Variants in SCUBE1 observed in about 807,000 individuals in gnomAD.
SCUBE1 encodes signal peptide, CUB and EGF-like domain-containing protein 1.
SCUBE1 carries 59 observed loss-of-function variants against 124.4 expected under a neutral mutation model. That is an observed-to-expected ratio of 0.47 (90% CI 0.38 to 0.59). The LOEUF is 0.59. Ranked by LOEUF, SCUBE1 falls within the 20% of genes least tolerant of loss-of-function variation. The pLI, the probability that SCUBE1 is intolerant of heterozygous loss-of-function variation, is 0.00. For missense variants in SCUBE1, 1,150 were observed against 1,371.2 expected (o/e 0.84, Z 2.55); for synonymous variants, 545 against 550.9 (o/e 0.99, Z 0.15).
chr22:43,199,052 C>G lies in SCUBE1; in HGVS notation c.*4945G>C. ...CTCTCTGCTGTCCAGGGCAATGTGT[C>G]TGTTTGTCTGTCTGCTGTCCGGGGC... On this transcript the variant is annotated 3_prime_UTR_variant, in exon 22 of 22. Transcript: ENST00000360835. 9.2e-6 allele frequency: 1 copy of G among 108,904 alleles called. No homozygotes were observed. Among genetic ancestry groups the G allele is most frequent in the South Asian group, 4.5e-5 (1 of 22,074 alleles). 6.7% of individuals were successfully genotyped at this position (108,904 alleles called of 1,614,324 possible). A position where few individuals can be genotyped will look rare whatever the true frequency, so the allele number is the denominator to read the frequency against.
intron 3 of SCUBE1, among the ~76,000 whole-genome samples, chr22:43,314,614 T>C (rs1926281501): frequency 6.6e-6 from 1 of 152,154 alleles, no homozygotes; most frequent in Admixed American, 6.5e-5. Flanking sequence ...GTCCTAAGCC[T>C]ATCAGACTAC....
rs1920950253 is a variant in SCUBE1 at position 43,197,431 on chromosome 22, G to A, written c.*6566C>T. 6.6e-6 allele frequency: 1 copy of A among 152,288 alleles called. No homozygotes were observed. Among genetic ancestry groups the A allele is most frequent in the African/African-American group, 2.4e-5 (1 of 41,474 alleles). 9.4% of individuals were successfully genotyped at this position (152,288 alleles called of 1,614,324 possible). A position where few individuals can be genotyped will look rare whatever the true frequency, so the allele number is the denominator to read the frequency against. On this transcript the variant is annotated 3_prime_UTR_variant, in exon 22 of 22. Coordinates refer to ENST00000360835, the MANE Select transcript of SCUBE1 (RefSeq NM_173050.5). ...TTGGTATTTGCCACTTGCAGGCAGA[G>A]TCGTTGCCAAGCGTCTGGACAATAC...
chr22:43,278,272 G>A (rs1924614375), intron 4 of SCUBE1, among the ~76,000 whole-genome samples: 2 of 152,254 alleles, frequency 1.3e-5, no homozygotes, highest in Non-Finnish European at 1.5e-5. Context: ...AGGCAAGGGA[G>A]CGAGGAGAAC....
intron 6 of SCUBE1, among the ~76,000 whole-genome samples, chr22:43,239,624 G>A (rs150988220): frequency 4.4e-3 from 668 of 152,366 alleles, no homozygotes; most frequent in African/African-American, 0.015. Flanking sequence ...CATTGAAGCC[G>A]TCATGCCGTG....
chr22:43,242,239 G>C (rs1417514065), intron 6 of SCUBE1, among the ~76,000 whole-genome samples: 1 of 152,144 alleles, frequency 6.6e-6, no homozygotes, highest in Admixed American at 6.5e-5. Context: ...TGCTGAGGAG[G>C]CCCCTGCCTT....
intron 15 of SCUBE1, among the ~76,000 whole-genome samples, chr22:43,214,543 C>T (rs775415602): frequency 3.9e-5 from 6 of 152,238 alleles, no homozygotes; most frequent in South Asian, 2.1e-4. Context: ...CTCCCCCATA[C>T]GTCTGTCCTC....
At chr22:43,207,741 G>A in intron 20 of SCUBE1, 128 bp from the exon 21 acceptor site, 1 of 763,096 alleles carries the variant, frequency 1.3e-6, no homozygotes, top group Non-Finnish European at 2.3e-6. Flanking sequence ...GCTGGCCGCA[G>A]CTCTGCCTCT....
At chr22:43,216,691 G>A (rs907554057) in intron 15 of SCUBE1, among the ~76,000 whole-genome samples, 2 of 151,916 alleles carry the variant, frequency 1.3e-5, no homozygotes, top group Non-Finnish European at 1.5e-5. Flanking sequence ...AGTAGAAGAT[G>A]ACATCACCAA....
At chr22:43,253,051 T>C (rs979887842) in intron 6 of SCUBE1, among the ~76,000 whole-genome samples, 31 of 124,912 alleles carry the variant, frequency 2.5e-4, no homozygotes, top group African/African-American at 7.4e-4. Flanking sequence ...ATTAATACAA[T>C]GTGGGGGCAG....
intron 7 of SCUBE1, among the ~76,000 whole-genome samples, chr22:43,235,263 G>A (rs1181315640): frequency 6.6e-6 from 1 of 152,192 alleles, no homozygotes; most frequent in Non-Finnish European, 1.5e-5. Flanking sequence ...GAGCTTGAGT[G>A]GGTGTGCATG....
At position 43,319,156 on chromosome 22, in the gene SCUBE1, C is replaced by T. The variant is rs184854870; in HGVS notation, c.349+781G>A. Among the ~76,000 whole-genome samples the T allele has an allele frequency of 1.6e-4, 24 of 152,304 alleles. No homozygotes were observed. In the East Asian group the frequency reaches 4.2e-3, roughly 27 times the overall value. ...GAATTCAACACCCAGTACCTCAAAA[C>T]GTGACTGTATTTGGAGACAGGGCCT... On this transcript the variant is annotated intron_variant, in intron 3 of 21. Transcript: ENST00000360835.
At chr22:43,319,756 G>A (rs1309109890) in intron 3 of SCUBE1, among the ~76,000 whole-genome samples, 181 bp downstream of exon 3, 1 of 152,054 alleles carries the variant, frequency 6.6e-6, no homozygotes, top group Non-Finnish European at 1.5e-5. Context: ...CCAGAACTGC[G>A]AGGCAATACA....
intron 2 of SCUBE1, among the ~76,000 whole-genome samples, chr22:43,325,078 G>A (rs1362688086): frequency 6.6e-6 from 1 of 151,584 alleles, no homozygotes; most frequent in Non-Finnish European, 1.5e-5. Context: ...GCAGCCGTGG[G>A]ATGATGAAGG....
In SCUBE1 at chr22:43,199,167, G is replaced by T. The variant is rs189402981; in HGVS notation, c.*4830C>A. Reference sequence around the variant, plus strand: ...TTTCTAGGAGCCTGGCACACAGGAGGTGCTCAGTAAATGTTTGCGAAATGA... The same window carrying T: ...TTTCTAGGAGCCTGGCACACAGGAGTTGCTCAGTAAATGTTTGCGAAATGA... On this transcript the variant is annotated 3_prime_UTR_variant, in exon 22 of 22. Coordinates refer to ENST00000360835, the MANE Select transcript of SCUBE1 (RefSeq NM_173050.5). 18 of 178,746 alleles carry T rather than the reference G, an allele frequency of 1.0e-4. No individual in the cohort carries two copies. The highest frequency in any genetic ancestry group is 1.9e-4 in the Non-Finnish European group (16 of 85,158). 11.1% of individuals were successfully genotyped at this position (178,746 alleles called of 1,614,324 possible). A position where few individuals can be genotyped will look rare whatever the true frequency, so the allele number is the denominator to read the frequency against.
At chr22:43,320,642 C>G (rs908656358) in intron 2 of SCUBE1, among the ~76,000 whole-genome samples, 2 of 152,214 alleles carry the variant, frequency 1.3e-5, no homozygotes, top group African/African-American at 4.8e-5. Flanking sequence ...TAGGAACACG[C>G]CTAGTTAACC....
At chr22:43,235,539 C>T (rs1291349390) in intron 7 of SCUBE1, among the ~76,000 whole-genome samples, 2 of 151,982 alleles carry the variant, frequency 1.3e-5, no homozygotes, top group African/African-American at 2.4e-5. Context: ...GCCCAGAGCA[C>T]TGCAGAGGGG....
chr22:43,273,437 A>T (rs1375754470), intron 4 of SCUBE1, among the ~76,000 whole-genome samples: 1 of 152,144 alleles, frequency 6.6e-6, no homozygotes. Context: ...TGGGTTGGGC[A>T]ACACCGAGGT....
intron 3 of SCUBE1, among the ~76,000 whole-genome samples, chr22:43,312,384 C>T (rs1409165850): frequency 6.6e-6 from 1 of 152,156 alleles, no homozygotes; most frequent in East Asian, 1.9e-4. Context: ...CTCACCAGAT[C>T]CCTGCTGGGG....
intron 3 of SCUBE1, among the ~76,000 whole-genome samples, chr22:43,319,212 T>C (rs1926454163): frequency 6.6e-6 from 1 of 152,056 alleles, no homozygotes; most frequent in Non-Finnish European, 1.5e-5. Context: ...AAAATGGAGT[T>C]TGTAGAGTGG....
Sources: gnomAD v4.1 joint callset for allele counts (sites outside exome capture counted in the v4.1 genomes callset) on GRCh38, gnomAD v4.1.1 for gene constraint, MANE v1.5 for transcripts, NCBI Gene and HGNC (gene_info 2026-07-23, HGNC 2026-07-21) for gene names.